SYNDIG1: variants seen among roughly 807,000 people sequenced by gnomAD.
The protein encoded by SYNDIG1 is synapse differentiation-inducing gene protein 1.
Under a neutral mutation model 19.4 loss-of-function variants are expected in SYNDIG1, and 9 were observed. The ratio of observed to expected loss-of-function variants is 0.46; its 90% confidence interval spans 0.28 to 0.81. The LOEUF is 0.81. Among genes scored for constraint, SYNDIG1 ranks in the 30% least tolerant of loss-of-function variants. The probability of loss-of-function intolerance (pLI) is 0.12; values close to 1 mark genes in which losing one functional copy is unlikely to be tolerated. For missense variants in SYNDIG1, 311 were observed against 343.3 expected (o/e 0.91, Z 0.74); for synonymous variants, 141 against 145.9 (o/e 0.97, Z 0.24).
At chr20:24,641,449 A>G (rs1461276572) in intron 3 of SYNDIG1, among the ~76,000 whole-genome samples, 1 of 152,166 alleles carries the variant, frequency 6.6e-6, no homozygotes, top group Non-Finnish European at 1.5e-5. Context: ...AGTATTGATA[A>G]TGGTACCTAC....
chr20:24,662,810 C>T (rs1329083201), intron 3 of SYNDIG1, among the ~76,000 whole-genome samples: 2 of 152,236 alleles, frequency 1.3e-5, no homozygotes, highest in Non-Finnish European at 2.9e-5. Flanking sequence ...GGAAGGAAAA[C>T]CAGCCACAAG....
At chr20:24,663,510 G>C (rs371617803) in intron 3 of SYNDIG1, among the ~76,000 whole-genome samples, 8 of 152,290 alleles carry the variant, frequency 5.3e-5, no homozygotes, top group African/African-American at 1.7e-4. Context: ...CTGTGCCCCA[G>C]TTAGAGAAGT....
intron 3 of SYNDIG1, among the ~76,000 whole-genome samples, chr20:24,655,173 C>T (rs1286643058): frequency 1.3e-5 from 2 of 152,034 alleles, no homozygotes; most frequent in African/African-American, 4.8e-5. Flanking sequence ...GTGTGAACGC[C>T]AGGAGGAAAT....
intron 3 of SYNDIG1, among the ~76,000 whole-genome samples, chr20:24,612,008 G>T (rs1234287038): frequency 1.3e-5 from 2 of 152,186 alleles, no homozygotes; most frequent in African/African-American, 4.8e-5. Flanking sequence ...TGCTGACAGG[G>T]ACACAGCCAC....
intron 3 of SYNDIG1, among the ~76,000 whole-genome samples, chr20:24,594,506 G>A (rs1202244422): frequency 1.3e-5 from 2 of 152,122 alleles, no homozygotes; most frequent in East Asian, 3.9e-4. Flanking sequence ...TTGGCTATTT[G>A]AGCTCTTTTG....
chr20:24,637,121 A>G (rs950610661), intron 3 of SYNDIG1, among the ~76,000 whole-genome samples: 6 of 152,172 alleles, frequency 3.9e-5, no homozygotes, highest in Non-Finnish European at 8.8e-5. Flanking sequence ...TCAGCAGCCC[A>G]CCCTTCCAGC....
At chr20:24,604,032 C>T (rs1235517440) in intron 3 of SYNDIG1, among the ~76,000 whole-genome samples, 3 of 152,214 alleles carry the variant, frequency 2.0e-5, no homozygotes, top group African/African-American at 7.2e-5. Flanking sequence ...TCTTTCTAAT[C>T]ATTTATCTTA....
intron 3 of SYNDIG1, among the ~76,000 whole-genome samples, chr20:24,587,179 G>A (rs980636607): frequency 2.6e-5 from 4 of 152,196 alleles, no homozygotes; most frequent in Admixed American, 6.5e-5. Context: ...TCGGGGGTGG[G>A]TGTAGGTGTT....
At chr20:24,532,731 A>G (rs1223658847) in intron 1 of SYNDIG1, among the ~76,000 whole-genome samples, 1 of 152,228 alleles carries the variant, frequency 6.6e-6, no homozygotes, top group African/African-American at 2.4e-5. Context: ...GCATGGCCCC[A>G]CAGCCTGAGC....
rs2058874870 is a variant in SYNDIG1, at chr20:24,613,094, C to T, written c.618+28101C>T. ...CAGATCCTCCCAATGCTTGGCTAAA[C>T]TGCCCACCTGTAAGGCAACCTAGAA... On this transcript the variant is annotated intron_variant, in intron 3 of 3. Transcript: ENST00000376862. Among the ~76,000 whole-genome samples, 4 of 152,364 alleles carry T rather than the reference C, an allele frequency of 2.6e-5. No homozygotes were observed. In the South Asian group the frequency reaches 8.3e-4, roughly 32 times the overall value.
intron 3 of SYNDIG1, among the ~76,000 whole-genome samples, chr20:24,644,676 C>G (rs1034622191): frequency 1.3e-5 from 2 of 152,220 alleles, no homozygotes; most frequent in African/African-American, 4.8e-5. Flanking sequence ...GGCTTAGTCT[C>G]TTAGTTATCT....
chr20:24,530,170 A>G (rs1398593762), intron 1 of SYNDIG1, among the ~76,000 whole-genome samples: 6 of 152,124 alleles, frequency 3.9e-5, no homozygotes, highest in African/African-American at 1.4e-4. Flanking sequence ...ACAACTTTTA[A>G]AAGCAGCAAT....
intron 2 of SYNDIG1, among the ~76,000 whole-genome samples, chr20:24,549,464 G>A (rs949479865): frequency 4.3e-4 from 66 of 152,308 alleles, no homozygotes; most frequent in African/African-American, 1.5e-3. Flanking sequence ...CCCCTTGCAG[G>A]ACGTGGGGTG....
At chr20:24,582,728 T>A (rs2058351126) in intron 2 of SYNDIG1, among the ~76,000 whole-genome samples, 1 of 152,130 alleles carries the variant, frequency 6.6e-6, no homozygotes, top group African/African-American at 2.4e-5. Flanking sequence ...ATCTCCTTAC[T>A]GTTTGGAGAC....
chr20:24,478,948 G>A (rs1791012223), intron 1 of SYNDIG1, among the ~76,000 whole-genome samples: 1 of 152,226 alleles, frequency 6.6e-6, no homozygotes, highest in African/African-American at 2.4e-5. Flanking sequence ...CGTGGGCACT[G>A]TGTTCTTGTC....
At chr20:24,487,813 G>C (rs535584752) in intron 1 of SYNDIG1, among the ~76,000 whole-genome samples, 1 of 152,154 alleles carries the variant, frequency 6.6e-6, no homozygotes, top group African/African-American at 2.4e-5. Context: ...AGAAGAGGAG[G>C]TCCTGGGATC....
At chr20:24,542,132 ATACT>A (rs2057480712) in intron 1 of SYNDIG1, among the ~76,000 whole-genome samples, 1 of 152,212 alleles carries the variant, frequency 6.6e-6, no homozygotes, top group Non-Finnish European at 1.5e-5. Flanking sequence ...CCTTTCATTC[ATACT>A]TAGTCATAAT....
intron 3 of SYNDIG1, 118 bp from the exon 4 acceptor site, chr20:24,665,228 C>T: frequency 7.8e-7 from 1 of 1,276,168 alleles, no homozygotes; most frequent in Non-Finnish European, 1.1e-6. Context: ...GTTTCCCCCT[C>T]AGCCTTCTCT....
At chr20:24,497,127 C>T (rs1335001044) in intron 1 of SYNDIG1, among the ~76,000 whole-genome samples, 1 of 152,022 alleles carries the variant, frequency 6.6e-6, no homozygotes, top group Non-Finnish European at 1.5e-5. Flanking sequence ...ATGTCCAGGC[C>T]CTGTGAATCA....
Sources: allele counts gnomAD v4.1 joint callset (sites outside exome capture counted in the v4.1 genomes callset), GRCh38; gene constraint gnomAD v4.1.1; transcripts MANE v1.5; gene names NCBI Gene and HGNC (gene_info 2026-07-23, HGNC 2026-07-21).